The following CREB1 variants were observed in gnomAD, a reference collection of about 807,000 sequenced individuals.
The protein encoded by CREB1 is cyclic AMP-responsive element-binding protein 1.
Under a neutral mutation model 42.0 loss-of-function variants are expected in CREB1, and 2 were observed. The ratio of observed to expected loss-of-function variants is 0.05; its 90% CI spans 0.02 to 0.15. The LOEUF (loss-of-function observed/expected upper bound fraction) is 0.15, where lower values mean the gene tolerates loss of function less well. Ranked by LOEUF, CREB1 falls within the 10% of genes least tolerant of loss-of-function variation. The pLI is 1.00. For synonymous variants in CREB1, 123 were observed against 139.9 expected (o/e 0.88, Z 0.85); for missense variants, 199 against 388.9 (o/e 0.51, Z 4.11).
At chr2:207,582,892 A>C (rs1163280013) in intron 7 of CREB1, 3 of 298,594 alleles carry the variant, frequency 1.0e-5, no homozygotes, top group Non-Finnish European at 2.0e-5. Flanking sequence ...CTCTGTCTCA[A>C]AAAAACAAAC....
Position 207,603,568 on chromosome 2 carries a change from GACA to G in CREB1, c.*6517_*6519del, listed in dbSNP as rs774218035. The G allele has an allele frequency of 3.6e-5, 8 of 223,506 alleles. No individual in the cohort carries two copies. Among genetic ancestry groups the G allele is most frequent in the Non-Finnish European group, 5.4e-5 (6 of 112,092 alleles). The allele number at this position is 223,506 out of a possible 1,614,324, so 13.8% of individuals were successfully genotyped here. ...GTTGGAAGGCAGCAAAACTAATTCA[GACA>G]ACAACATGTCTTCAGTTACTGGATC... On this transcript the variant is annotated 3_prime_UTR_variant, in exon 8 of 8. Transcript: ENST00000353267.
At chr2:207,585,710 GAAATT>G (rs1468678927) in intron 7 of CREB1, among the ~76,000 whole-genome samples, 2 of 152,104 alleles carry the variant, frequency 1.3e-5, no homozygotes, top group African/African-American at 4.8e-5. Flanking sequence ...ATCTGAATGA[GAAATT>G]AAAGAGGTAA....
At chr2:207,566,287 C>G (rs1224752191) in intron 3 of CREB1, among the ~76,000 whole-genome samples, 1 of 152,182 alleles carries the variant, frequency 6.6e-6, no homozygotes, top group Non-Finnish European at 1.5e-5. Context: ...TCAAGTACTT[C>G]TGAATATGTT....
chr2:207,576,520 T>C, intron 6 of CREB1: 1 of 302,052 alleles, frequency 3.3e-6, no homozygotes, highest in South Asian at 3.4e-5. Context: ...TCATAACTTA[T>C]TTAAAGAGCC....
intron 1 of CREB1, among the ~76,000 whole-genome samples, chr2:207,535,471 A>G (rs943270199): frequency 6.6e-6 from 1 of 152,126 alleles, no homozygotes; most frequent in African/African-American, 2.4e-5. Context: ...TTACCCAGTA[A>G]GGCTGATTAC....
At chr2:207,546,371 T>G (rs903946424) in intron 1 of CREB1, among the ~76,000 whole-genome samples, 1 of 152,104 alleles carries the variant, frequency 6.6e-6, no homozygotes, top group African/African-American at 2.4e-5. Flanking sequence ...TGGACACATA[T>G]CATTACGCAT....
intron 4 of CREB1, among the ~76,000 whole-genome samples, chr2:207,569,499 A>C (rs1330046547): frequency 6.6e-6 from 1 of 152,168 alleles, no homozygotes; most frequent in Non-Finnish European, 1.5e-5. Flanking sequence ...TTTAAAAATC[A>C]GGTTTTGATC....
chr2:207,564,540 A>G (rs1329355965), intron 3 of CREB1, among the ~76,000 whole-genome samples: 1 of 151,998 alleles, frequency 6.6e-6, no homozygotes, highest in African/African-American at 2.4e-5. Flanking sequence ...AAAAAAATAT[A>G]TATCCAAACC....
chr2:207,546,613 G>A (rs1384102469), intron 1 of CREB1, among the ~76,000 whole-genome samples: 1 of 152,078 alleles, frequency 6.6e-6, no homozygotes, highest in Non-Finnish European at 1.5e-5. Context: ...TGTAATCCCA[G>A]CTACTTGGGA....
At chr2:207,584,073 A>C (rs1277576818) in intron 7 of CREB1, among the ~76,000 whole-genome samples, 1 of 152,180 alleles carries the variant, frequency 6.6e-6, no homozygotes, top group African/African-American at 2.4e-5. Flanking sequence ...ATTCACTTTG[A>C]ATTTCATCCC....
chr2:207,539,501 G>C (rs2081011579), intron 1 of CREB1, among the ~76,000 whole-genome samples: 1 of 151,970 alleles, frequency 6.6e-6, no homozygotes, highest in Admixed American at 6.6e-5. Context: ...TATTATGGTT[G>C]GTGAAATAAT....
At chr2:207,588,102 AAAG>A (rs2084226427) in intron 7 of CREB1, among the ~76,000 whole-genome samples, 1 of 149,896 alleles carries the variant, frequency 6.7e-6, no homozygotes, top group South Asian at 2.1e-4. Context: ...AAAAAGGAAA[AAAG>A]AATTCTTTGC....
At chr2:207,561,156 C>T in intron 3 of CREB1, 3 of 1,612,244 alleles carry the variant, frequency 1.9e-6, no homozygotes, top group Non-Finnish European at 1.7e-6. Flanking sequence ...TTCTCCGGAA[C>T]ACAGGTGAGT....
chr2:207,567,183 A>G (rs2082170604), intron 3 of CREB1, among the ~76,000 whole-genome samples: 1 of 152,186 alleles, frequency 6.6e-6, no homozygotes, highest in Non-Finnish European at 1.5e-5. Flanking sequence ...AACAGATGTA[A>G]GAAAAAACTG....
At chr2:207,541,720 C>T (rs150414181) in intron 1 of CREB1, among the ~76,000 whole-genome samples, 11 of 152,168 alleles carry the variant, frequency 7.2e-5, no homozygotes, top group African/African-American at 2.4e-4. Flanking sequence ...TACAATACAC[C>T]CATTTGGTGT....
Position 207,570,340 on chromosome 2 carries a change from C to T in CREB1, c.505+19C>T. The T allele has an allele frequency of 6.3e-7, 1 of 1,575,470 alleles. No individual in the cohort carries two copies. Among genetic ancestry groups the T allele is most frequent in the Non-Finnish European group, 8.6e-7 (1 of 1,161,882 alleles). ...CAGTATAGTGAGTAATAGACAATTT[C>T]TGTTTCTATTGTGAGGAGAAAAAAG... On this transcript the variant is annotated intron_variant, in intron 5 of 7. Transcript: ENST00000353267.
In CREB1 at chr2:207,596,959, A is replaced by G. The variant is rs747166776; in HGVS notation, c.885A>G (p.Lys295=). ...GTAGAAAGAAGAAAGAATATGTGAA[A>G]TGTTTAGAAAACAGAGTGGCAGTGC... ...ECRRKKKEYV[K]CLENRVAVLE... is the part of the protein sequence containing the mutation. The change falls in exon 8 of 8, where the codon AAA becomes AAG. Residue 295 remains lysine, a synonymous_variant. Coordinates refer to ENST00000353267, the MANE Select transcript of CREB1 (RefSeq NM_004379.5). 3.7e-6 allele frequency: 6 copies of G among 1,612,702 alleles called. No homozygotes were observed. The highest frequency in any genetic ancestry group is 4.5e-5 in the East Asian group (2 of 44,790).
intron 1 of CREB1, among the ~76,000 whole-genome samples, chr2:207,545,991 T>A (rs1018122687): frequency 1.3e-5 from 2 of 152,204 alleles, no homozygotes; most frequent in African/African-American, 2.4e-5. Context: ...CGCCTTGGCC[T>A]CCCAAAGTCT....
At chr2:207,564,272 C>T (rs2082058469) in intron 3 of CREB1, among the ~76,000 whole-genome samples, 1 of 152,028 alleles carries the variant, frequency 6.6e-6, no homozygotes, top group African/African-American at 2.4e-5. Context: ...ATAATCCCAG[C>T]CCAGGCAGGA....
Sources: gnomAD v4.1 joint callset for allele counts (sites outside exome capture counted in the v4.1 genomes callset) on GRCh38, gnomAD v4.1.1 for gene constraint, MANE v1.5 for transcripts, NCBI Gene and HGNC (gene_info 2026-07-23, HGNC 2026-07-21) for gene names.